KIF4A: variants seen among roughly 807,000 people sequenced by gnomAD.
KIF4A encodes chromosome-associated kinesin KIF4A.
In KIF4A, 7 loss-of-function variants were observed where a neutral mutation model predicts 105.9. The observed-to-expected ratio is 0.07, with a 90% CI of 0.04 to 0.12. The LOEUF (loss-of-function observed/expected upper bound fraction) is 0.12. Among genes scored for constraint, KIF4A ranks in the 10% least tolerant of loss-of-function variants. The pLI is 1.00. For missense variants in KIF4A, 558 were observed against 929.2 expected (o/e 0.60, Z 5.19); for synonymous variants, 281 against 331.3 (o/e 0.85, Z 1.65).
intron 15 of KIF4A, among the ~76,000 whole-genome samples, chrX:70,372,133 G>A (rs750269521): frequency 5.8e-5 from 6 of 104,192 alleles, no homozygotes; most frequent in African/African-American, 1.8e-4. Flanking sequence ...GATGGCGGCC[G>A]GCAGAGACGC....
chrX:70,324,932 C>A (rs749572414), intron 7 of KIF4A, among the ~76,000 whole-genome samples: 1 of 111,515 alleles, frequency 9.0e-6, no homozygotes, highest in Non-Finnish European at 1.9e-5. Context: ...CGAGTGTATG[C>A]CACTGTCCCC....
chrX:70,395,073 C>T (rs2086254079), intron 20 of KIF4A, among the ~76,000 whole-genome samples: 1 of 111,528 alleles, frequency 9.0e-6, no homozygotes, highest in African/African-American at 3.3e-5. Flanking sequence ...TGGTGAAACC[C>T]CATCTGTACT....
chrX:70,307,176 T>A (rs974904867), intron 7 of KIF4A, among the ~76,000 whole-genome samples: 6 of 111,148 alleles, frequency 5.4e-5, no homozygotes, highest in African/African-American at 9.8e-5. Flanking sequence ...AATTTTTTTT[T>A]AATTTTCAGA....
chrX:70,303,882 T>C (rs964749085), intron 7 of KIF4A, among the ~76,000 whole-genome samples: 2 of 109,757 alleles, frequency 1.8e-5, no homozygotes, highest in Non-Finnish European at 3.8e-5. Flanking sequence ...CCCCTTTCCC[T>C]GGCCCTAGGC....
intron 20 of KIF4A, among the ~76,000 whole-genome samples, chrX:70,391,119 A>G (rs1056636281): frequency 8.9e-6 from 1 of 112,245 alleles, no homozygotes; most frequent in Non-Finnish European, 1.9e-5. Context: ...CACTTGGGTA[A>G]ATACCTAAGA....
At chrX:70,367,121 C>T (rs779379921) in intron 15 of KIF4A, among the ~76,000 whole-genome samples, 30 of 111,512 alleles carry the variant, frequency 2.7e-4, no homozygotes, top group African/African-American at 8.8e-4. Context: ...TCCTCCATCC[C>T]TTTATTTTGA....
In KIF4A at chrX:70,302,402, A is replaced by G; in HGVS notation, c.778+4A>G. On this transcript the variant is annotated splice_donor_region_variant and intron_variant, in intron 7 of 30. Transcript: ENST00000374403. ...GAAGGGGATCGTCTAAAAGAGGGTA[A>G]GAGAGTAATTAAGGTCACAGTTGTA... The G allele has an allele frequency of 8.3e-7, 1 of 1,207,673 alleles. No individual in the cohort carries two copies. The highest frequency in any genetic ancestry group is 1.1e-6 in the Non-Finnish European group (1 of 892,166).
intron 2 of KIF4A, 27 bp from the exon 3 acceptor site, chrX:70,290,664 T>G: frequency 8.3e-7 from 1 of 1,203,075 alleles, no homozygotes; most frequent in Non-Finnish European, 1.1e-6. Context: ...ATTTTTAACC[T>G]TACGCCTTGT....
At chrX:70,365,588 G>A (rs1238853070) in intron 15 of KIF4A, among the ~76,000 whole-genome samples, 1 of 111,743 alleles carries the variant, frequency 8.9e-6, no homozygotes, top group Non-Finnish European at 1.9e-5. Context: ...TCCCAGGGAT[G>A]AAGCCCACTT....
chrX:70,308,269 T>C (rs2085835183), intron 7 of KIF4A, among the ~76,000 whole-genome samples: 1 of 112,831 alleles, frequency 8.9e-6, no homozygotes, highest in African/African-American at 3.2e-5. Flanking sequence ...TCTGTGCATA[T>C]GTGTATGTGT....
intron 7 of KIF4A, among the ~76,000 whole-genome samples, chrX:70,323,243 G>T (rs975962970): frequency 9.0e-6 from 1 of 110,907 alleles, no homozygotes; most frequent in Admixed American, 9.6e-5. Context: ...CCCCAAAGCG[G>T]ATTAGGTACC....
At chrX:70,314,175 C>T (rs1045091426) in intron 7 of KIF4A, among the ~76,000 whole-genome samples, 2 of 112,001 alleles carry the variant, frequency 1.8e-5, no homozygotes, top group Non-Finnish European at 3.8e-5. Context: ...ATGGCTTATA[C>T]CTGTGGAATT....
Position 70,403,992 on chromosome X carries a change from A to G in KIF4A, c.2748A>G (p.Leu916=). 1 of 1,211,910 alleles carries G rather than the reference A, an allele frequency of 8.3e-7. No homozygotes were observed. The highest frequency in any genetic ancestry group is 1.1e-6 in the Non-Finnish European group (1 of 895,578). The change falls in exon 24 of 31, where the codon TTA becomes TTG. Residue 916 remains leucine (L), a synonymous_variant. Transcript: ENST00000374403. ...RNHFAEIETE[L]QAELVRMEQQ... ...ATTTTGCCGAGATAGAGACAGAGTT[A>G]CAAGCTGAGCTGGTCAGAATGGAGC... is the stretch of plus-strand genomic sequence containing the variant.
At chrX:70,370,315 T>C (rs1331653079) in intron 15 of KIF4A, among the ~76,000 whole-genome samples, 1 of 110,495 alleles carries the variant, frequency 9.1e-6, no homozygotes, top group Non-Finnish European at 1.9e-5. Context: ...CAGTGCTTAC[T>C]TCTGGAGGGG....
At chrX:70,387,588 C>T (rs933874777) in intron 20 of KIF4A, among the ~76,000 whole-genome samples, 1 of 111,792 alleles carries the variant, frequency 8.9e-6, no homozygotes, top group African/African-American at 3.2e-5. Flanking sequence ...CACAATTTGG[C>T]CGGGCATGGT....
chrX:70,356,146 G>T (rs2086050221), intron 15 of KIF4A, among the ~76,000 whole-genome samples: 1 of 109,974 alleles, frequency 9.1e-6, no homozygotes, highest in Non-Finnish European at 1.9e-5. Context: ...CGGGCCTGGT[G>T]GTGTGAGCCT....
intron 5 of KIF4A, 133 bp downstream of exon 5, chrX:70,299,335 T>C: frequency 4.5e-6 from 2 of 447,968 alleles, no homozygotes; most frequent in Non-Finnish European, 7.1e-6. Context: ...TGGTCCTAAG[T>C]CCCTTTGTTA....
Position 70,406,980 on chromosome X carries a change from G to A in KIF4A, c.3160G>A (p.Glu1054Lys). 8.3e-7 allele frequency: 1 copy of A among 1,211,655 alleles called. No homozygotes were observed. The highest frequency in any genetic ancestry group is 1.1e-6 in the Non-Finnish European group (1 of 895,340). Residue 1054 changes from glutamate (E) to lysine (K), a missense_variant, in exon 28 of 31, where the codon GAG becomes AAG. Physicochemically the swap from Glu to Lys is moderately conservative, Grantham distance 56. Transcript: ENST00000374403. ...ATATTGTTCAGAGCATTCTGTGAATGAGCATGAGGATGGTGATGGTGATGA... is the reference window on the plus strand; with the variant it reads ...ATATTGTTCAGAGCATTCTGTGAATAAGCATGAGGATGGTGATGGTGATGA... ...LKYCSEHSVN[E>K]HEDGDGDDDE...
At chrX:70,322,814 T>C (rs1466930554) in intron 7 of KIF4A, among the ~76,000 whole-genome samples, 1 of 108,448 alleles carries the variant, frequency 9.2e-6, no homozygotes, top group Non-Finnish European at 1.9e-5. Context: ...TCTCTAACCC[T>C]ACTACCACTA....
Sources: allele counts gnomAD v4.1 joint callset (sites outside exome capture counted in the v4.1 genomes callset), GRCh38; gene constraint gnomAD v4.1.1; transcripts MANE v1.5; gene names NCBI Gene and HGNC (gene_info 2026-07-23, HGNC 2026-07-21).